The following FBXL17 variants were observed in gnomAD, a reference collection of about 807,000 sequenced individuals.
FBXL17 encodes the protein F-box and leucine rich repeat protein 17.
In FBXL17, 22 loss-of-function variants were observed where a neutral mutation model predicts 66.2. The observed-to-expected ratio is 0.33, with a 90% confidence interval of 0.24 to 0.47. The LOEUF (loss-of-function observed/expected upper bound fraction) is 0.47, where lower values mean the gene tolerates loss of function less well. FBXL17 is among the 20% of genes least tolerant of loss of function. The pLI is 1.00. For missense variants in FBXL17, 878 were observed against 948.2 expected, an observed-to-expected ratio of 0.93 and a Z score of 0.97; for synonymous variants, 474 against 400.5, an observed-to-expected ratio of 1.18 and a Z score of -2.19.
chr5:108,142,834 C>A (rs1751403846), intron 6 of FBXL17, among the ~76,000 whole-genome samples: 1 of 151,954 alleles, frequency 6.6e-6, no homozygotes, highest in Non-Finnish European at 1.5e-5. Flanking sequence ...GCAGCAGGGG[C>A]ATAAGATTCT....
At chr5:108,193,999 T>G (rs1034718418) in intron 5 of FBXL17, among the ~76,000 whole-genome samples, 1 of 152,152 alleles carries the variant, frequency 6.6e-6, no homozygotes, top group African/African-American at 2.4e-5. Context: ...CTAACTCCTT[T>G]TTGCCACATC....
intron 6 of FBXL17, among the ~76,000 whole-genome samples, chr5:108,095,894 T>C (rs891330317): frequency 6.6e-6 from 1 of 152,306 alleles, no homozygotes; most frequent in Admixed American, 6.5e-5. Context: ...GGTAAGATCA[T>C]TGCAAGACAT....
chr5:108,119,505 T>C (rs981390259), intron 6 of FBXL17, among the ~76,000 whole-genome samples: 23 of 152,204 alleles, frequency 1.5e-4, no homozygotes, highest in African/African-American at 5.3e-4. Context: ...TAACAGAAAA[T>C]CAGGACCCTC....
chr5:107,905,098 T>TAATA (rs1263178249), intron 7 of FBXL17, among the ~76,000 whole-genome samples: 1 of 152,020 alleles, frequency 6.6e-6, no homozygotes, highest in East Asian at 1.9e-4. Flanking sequence ...TCATAAAACT[T>TAATA]AATAATAAAA....
chr5:107,947,787 C>T (rs989914348), intron 7 of FBXL17, among the ~76,000 whole-genome samples: 14 of 152,142 alleles, frequency 9.2e-5, no homozygotes, highest in South Asian at 2.1e-4. Flanking sequence ...AACTCTAAAA[C>T]GAGTGGCTTA....
chr5:107,918,015 T>C (rs1750189669), intron 7 of FBXL17, among the ~76,000 whole-genome samples: 1 of 152,238 alleles, frequency 6.6e-6, no homozygotes, highest in Non-Finnish European at 1.5e-5. Context: ...GAAACGTTAA[T>C]AACAATCCTC....
At position 108,203,248 on chromosome 5, in the gene FBXL17, C is replaced by G. The variant is rs1433907063; in HGVS notation, c.1615-17001G>C. ...GCCAAGAACTCTTCCTCATGCATCC[C>G]TAGAGGCAGGTAGATGGTATTACTA... On this transcript the variant is annotated intron_variant, in intron 5 of 8. Transcript: ENST00000542267. 5.3e-5 allele frequency among the ~76,000 whole-genome samples: 8 copies of G among 151,982 alleles called. No individual in the cohort carries two copies. In the East Asian group the frequency reaches 1.6e-3, roughly 29 times the overall value.
chr5:108,185,992 A>C (rs1428718328), intron 6 of FBXL17, 125 bp downstream of exon 6: 1 of 745,504 alleles, frequency 1.3e-6, no homozygotes, highest in African/African-American at 1.8e-5. Flanking sequence ...TCAAAACTTA[A>C]ACATAACAAT....
At chr5:108,354,941 GAAGGAGA>G (rs1747879311) in intron 3 of FBXL17, among the ~76,000 whole-genome samples, 1 of 151,916 alleles carries the variant, frequency 6.6e-6, no homozygotes, top group African/African-American at 2.4e-5. Flanking sequence ...TTTCAAAAGT[GAAGGAGA>G]AATAAAGACT....
intron 7 of FBXL17, among the ~76,000 whole-genome samples, chr5:107,917,541 G>T (rs73780457): frequency 4.0e-4 from 61 of 152,300 alleles, no homozygotes; most frequent in African/African-American, 1.3e-3. Flanking sequence ...GCTAAGCACA[G>T]AACCGAATAA....
At chr5:108,177,932 T>TACACAC (rs1554072223) in intron 6 of FBXL17, among the ~76,000 whole-genome samples, 156 of 126,410 alleles carry the variant, frequency 1.2e-3, no homozygotes, top group Non-Finnish European at 1.6e-3. Flanking sequence ...TATATATATA[T>TACACAC]ACACACACAC....
In FBXL17 at chr5:108,009,288, T is replaced by TAGATAGATAGATAGATAG. The variant is rs1294587845; in HGVS notation, c.1822+11636_1822+11637insCTATCTATCTATCTATCT. Among the ~76,000 whole-genome samples the TAGATAGATAGATAGATAG allele has an allele frequency of 1.3e-3, 37 of 28,752 alleles. 5 individuals carry two copies. The highest frequency in any genetic ancestry group is 2.9e-3 in the African/African-American group (25 of 8,690). The allele number at this position is 28,752 out of a possible 152,430, so 18.9% of individuals were successfully genotyped here. A position where few individuals can be genotyped will look rare whatever the true frequency, so the allele number is the denominator to read the frequency against. On this transcript the variant is annotated intron_variant, in intron 7 of 8. Transcript: ENST00000542267. ...ATATATATATATATATATATATATA[T>TAGATAGATAGATAGATAG]ATATATATATATACATATATACATA...
In FBXL17 at chr5:108,109,087, C is replaced by T. The variant is rs150840673; in HGVS notation, c.1745+77030G>A. ...CGTGAGCCACTGCGCCCAGCCAAGA[C>T]TCACACTTTCAAAGACCTATTGGGA... On this transcript the variant is annotated intron_variant, in intron 6 of 8. Transcript: ENST00000542267. Among the ~76,000 whole-genome samples, 471 of 152,094 alleles carry T rather than the reference C, an allele frequency of 3.1e-3. 2 individuals are homozygous for T. The highest frequency in any genetic ancestry group is 0.011 in the African/African-American group (454 of 41,512).
At chr5:107,918,723 C>G (rs1425384421) in intron 7 of FBXL17, among the ~76,000 whole-genome samples, 1 of 152,152 alleles carries the variant, frequency 6.6e-6, no homozygotes, top group East Asian at 1.9e-4. Flanking sequence ...TCCTAGTGTT[C>G]CACTGAATTA....
At chr5:107,960,927 A>C (rs1250793186) in intron 7 of FBXL17, among the ~76,000 whole-genome samples, 2 of 152,156 alleles carry the variant, frequency 1.3e-5, no homozygotes, top group African/African-American at 4.8e-5. Flanking sequence ...TTTTCAGTAG[A>C]GTGTGACTCA....
At chr5:108,201,854 A>T (rs910425349) in intron 5 of FBXL17, among the ~76,000 whole-genome samples, 2 of 14,110 alleles carry the variant, frequency 1.4e-4, no homozygotes, top group Non-Finnish European at 2.6e-4. Flanking sequence ...ATTTGAAAGT[A>T]AAAAAAAAAA....
chr5:107,939,994 T>C (rs1260569592), intron 7 of FBXL17, among the ~76,000 whole-genome samples: 1 of 152,140 alleles, frequency 6.6e-6, no homozygotes, highest in Non-Finnish European at 1.5e-5. Flanking sequence ...ACAGTGAGCA[T>C]TTAGTGCTTA....
chr5:107,926,800 A>C (rs1191201877), intron 7 of FBXL17, among the ~76,000 whole-genome samples: 1 of 152,154 alleles, frequency 6.6e-6, no homozygotes, highest in African/African-American at 2.4e-5. Flanking sequence ...CATTCTTTTC[A>C]GTTACTAATG....
At chr5:108,264,426 A>C (rs1756964458) in intron 4 of FBXL17, among the ~76,000 whole-genome samples, 1 of 152,016 alleles carries the variant, frequency 6.6e-6, no homozygotes, top group Non-Finnish European at 1.5e-5. Flanking sequence ...TAAATTATTT[A>C]AACTGGCCAA....
Sources: allele counts gnomAD v4.1 joint callset (sites outside exome capture counted in the v4.1 genomes callset), GRCh38; gene constraint gnomAD v4.1.1; transcripts MANE v1.5; gene names NCBI Gene and HGNC (gene_info 2026-07-23, HGNC 2026-07-21).